ADAM12: variants seen among roughly 807,000 people sequenced by gnomAD.
The protein encoded by ADAM12 is ADAM metallopeptidase domain 12.
A neutral mutation model predicts 106.4 loss-of-function variants in ADAM12; 70 were observed. The observed-to-expected ratio is 0.66, with a 90% CI of 0.54 to 0.80. The LOEUF (loss-of-function observed/expected upper bound fraction) is 0.80. Ranked by LOEUF, ADAM12 falls within the 30% of genes least tolerant of loss-of-function variation. ADAM12 has a pLI of 0.00. For missense variants in ADAM12, 1,010 were observed against 1,171.9 expected, an observed-to-expected ratio of 0.86 and a Z score of 2.02; for synonymous variants, 420 against 433.5, an observed-to-expected ratio of 0.97 and a Z score of 0.39.
chr10:126,147,147 G>A (rs111898617), intron 4 of ADAM12, among the ~76,000 whole-genome samples: 3,542 of 152,318 alleles, frequency 0.023, 143 homozygotes, highest in African/African-American at 0.081. Flanking sequence ...GGTCTCCTTT[G>A]AAACTATCAA....
At chr10:126,052,757 C>T (rs916890836) in intron 14 of ADAM12, among the ~76,000 whole-genome samples, 4 of 152,192 alleles carry the variant, frequency 2.6e-5, no homozygotes, top group Admixed American at 6.5e-5. Context: ...AAGCTTGATA[C>T]GTGAATACCA....
At chr10:126,377,134 CAT>C (rs1386444207) in intron 1 of ADAM12, among the ~76,000 whole-genome samples, 3 of 152,214 alleles carry the variant, frequency 2.0e-5, no homozygotes, top group Admixed American at 6.5e-5. Context: ...CTCAACATCA[CAT>C]GTCAGGAGCC....
intron 3 of ADAM12, among the ~76,000 whole-genome samples, chr10:126,257,800 G>A (rs1374299027): frequency 1.3e-5 from 2 of 152,172 alleles, no homozygotes; most frequent in South Asian, 2.1e-4. Context: ...AAACCAGTCA[G>A]CCTTGCCAAG....
chr10:126,368,289 T>C (rs1207800556), intron 1 of ADAM12, among the ~76,000 whole-genome samples: 1 of 151,474 alleles, frequency 6.6e-6, no homozygotes, highest in African/African-American at 2.4e-5. Flanking sequence ...TTCAGAAACA[T>C]AAATTTCATT....
chr10:126,330,337 G>T, intron 2 of ADAM12, 75 bp downstream of exon 2: 1 of 1,229,506 alleles, frequency 8.1e-7, no homozygotes, highest in Non-Finnish European at 1.2e-6. Flanking sequence ...ACCCTTGAAT[G>T]AGAGAATACC....
At chr10:126,188,594 A>C (rs958845479) in intron 3 of ADAM12, among the ~76,000 whole-genome samples, 3 of 152,054 alleles carry the variant, frequency 2.0e-5, no homozygotes, top group African/African-American at 2.4e-5. Context: ...CTTATTTCCT[A>C]ATTTCAGGGA....
intron 3 of ADAM12, among the ~76,000 whole-genome samples, chr10:126,268,225 CA>C (rs1442757126): frequency 1.3e-5 from 2 of 152,204 alleles, no homozygotes; most frequent in African/African-American, 4.8e-5. Context: ...AATAGAATCG[CA>C]TAATATTTGT....
intron 3 of ADAM12, among the ~76,000 whole-genome samples, chr10:126,163,859 A>G (rs1476471138): frequency 3.3e-5 from 5 of 152,256 alleles, no homozygotes; most frequent in Non-Finnish European, 1.5e-5. Flanking sequence ...CTTCATAAAT[A>G]AACGAATGAG....
chr10:126,171,222 G>T (rs1676752), intron 3 of ADAM12, among the ~76,000 whole-genome samples: 133,864 of 152,162 alleles, frequency 0.88, 59,053 homozygotes, highest in Middle Eastern at 0.94. Context: ...GAATATTTTA[G>T]GCGGCTTTCA....
At chr10:126,248,648 GGTATGTAT>G (rs144495308) in intron 3 of ADAM12, among the ~76,000 whole-genome samples, 8 of 148,100 alleles carry the variant, frequency 5.4e-5, no homozygotes, top group Non-Finnish European at 8.9e-5. Context: ...GAGCCTCACA[GGTATGTAT>G]GTATGTATGT....
chr10:126,218,102 A>G (rs1166985525), intron 3 of ADAM12, among the ~76,000 whole-genome samples: 1 of 152,050 alleles, frequency 6.6e-6, no homozygotes, highest in Non-Finnish European at 1.5e-5. Flanking sequence ...GCTGCTAGGA[A>G]TAACAGTGAC....
intron 4 of ADAM12, among the ~76,000 whole-genome samples, chr10:126,140,607 C>T (rs541972621): frequency 2.6e-5 from 4 of 152,284 alleles, no homozygotes; most frequent in Non-Finnish European, 5.9e-5. Context: ...CTAACAAGTC[C>T]GTTGTTCATT....
intron 3 of ADAM12, among the ~76,000 whole-genome samples, chr10:126,252,752 T>C (rs1958812370): frequency 6.6e-6 from 1 of 152,072 alleles, no homozygotes; most frequent in Admixed American, 6.5e-5. Flanking sequence ...CATCCATACA[T>C]AATGCTTTAC....
At chr10:126,051,897 T>A (rs760503609) in intron 14 of ADAM12, among the ~76,000 whole-genome samples, 1 of 152,100 alleles carries the variant, frequency 6.6e-6, no homozygotes, top group Non-Finnish European at 1.5e-5. Context: ...AGTAGGAGGG[T>A]TCAGGGGACT....
At chr10:126,242,042 A>C (rs1308125705) in intron 3 of ADAM12, among the ~76,000 whole-genome samples, 1 of 151,050 alleles carries the variant, frequency 6.6e-6, no homozygotes, top group Non-Finnish European at 1.5e-5. Flanking sequence ...TCCCCCCATT[A>C]TATGAATCAC....
chr10:126,369,103 A>G (rs1221819924), intron 1 of ADAM12, among the ~76,000 whole-genome samples: 1 of 152,200 alleles, frequency 6.6e-6, no homozygotes, highest in Non-Finnish European at 1.5e-5. Context: ...TCCATATCAA[A>G]TATTTGGATA....
At chr10:126,182,805 T>G (rs576316000) in intron 3 of ADAM12, among the ~76,000 whole-genome samples, 2 of 152,208 alleles carry the variant, frequency 1.3e-5, no homozygotes, top group South Asian at 4.1e-4. Flanking sequence ...CTCGGGACTA[T>G]GGGGATTTAC....
intron 1 of ADAM12, among the ~76,000 whole-genome samples, chr10:126,348,205 T>G (rs2133882090): frequency 6.6e-6 from 1 of 152,344 alleles, no homozygotes; most frequent in East Asian, 1.9e-4. Context: ...GGGTGTTTTC[T>G]TAAGTTAGAC....
At chr10:126,020,601 T>G (rs554193621) in intron 21 of ADAM12, among the ~76,000 whole-genome samples, 1 of 152,234 alleles carries the variant, frequency 6.6e-6, no homozygotes, top group South Asian at 2.1e-4. Context: ...TTATGAGGAT[T>G]AAAGAAAATA....
Sources: allele counts gnomAD v4.1 joint callset (sites outside exome capture counted in the v4.1 genomes callset), GRCh38; gene constraint gnomAD v4.1.1; transcripts MANE v1.5; gene names NCBI Gene and HGNC (gene_info 2026-07-23, HGNC 2026-07-21).